The following ICA1L variants were observed in gnomAD, a reference collection of about 807,000 sequenced individuals.
The protein encoded by ICA1L is islet cell autoantigen 1 like.
In ICA1L, 50 loss-of-function variants were observed where a neutral mutation model predicts 61.3. The observed-to-expected ratio is 0.82, with a 90% CI of 0.65 to 1.03. The LOEUF (loss-of-function observed/expected upper bound fraction) is 1.03. Among genes scored for constraint, ICA1L ranks in the 50% least tolerant of loss-of-function variants. The pLI, the probability that ICA1L is intolerant of heterozygous loss-of-function variation, is 0.00. For missense variants in ICA1L, 508 were observed against 556.7 expected (o/e 0.91, Z 0.88); for synonymous variants, 161 against 191.3 (o/e 0.84, Z 1.31).
chr2:202,850,019 G>A (rs1389819161), intron 1 of ICA1L, among the ~76,000 whole-genome samples: 1 of 152,138 alleles, frequency 6.6e-6, no homozygotes, highest in African/African-American at 2.4e-5. Context: ...TTATAGAGTA[G>A]ACCTCCAGCA....
chr2:202,861,200 C>T (rs1694900318), intron 1 of ICA1L, among the ~76,000 whole-genome samples: 1 of 152,004 alleles, frequency 6.6e-6, no homozygotes, highest in Admixed American at 6.6e-5. Flanking sequence ...GCACTCCAGA[C>T]TGGGGGACAG....
chr2:202,854,858 T>C (rs777087718), intron 1 of ICA1L, among the ~76,000 whole-genome samples: 8 of 151,962 alleles, frequency 5.3e-5, no homozygotes, highest in Non-Finnish European at 1.0e-4. Context: ...AAACCCCGTC[T>C]CTACTAAAAA....
At chr2:202,820,004 C>T in intron 4 of ICA1L, 105 bp from the exon 5 acceptor site, 2 of 836,902 alleles carry the variant, frequency 2.4e-6, no homozygotes, top group Non-Finnish European at 3.7e-6. Context: ...GATGAATCTA[C>T]AAGTAAAAAA....
chr2:202,794,282 G>T (rs1692848497), intron 10 of ICA1L, among the ~76,000 whole-genome samples: 1 of 145,968 alleles, frequency 6.9e-6, no homozygotes, highest in African/African-American at 2.5e-5. Flanking sequence ...GGAGGCAGAG[G>T]TTGCAGTGAG....
chr2:202,800,887 C>T (rs896814454), intron 9 of ICA1L, among the ~76,000 whole-genome samples: 1 of 151,952 alleles, frequency 6.6e-6, no homozygotes, highest in Non-Finnish European at 1.5e-5. Flanking sequence ...GCTGATTTAA[C>T]CTTAAGATAA....
At position 202,782,067 on chromosome 2, in the gene ICA1L, C is replaced by T. The variant is rs1023125652; in HGVS notation, c.1334-2419G>A. On this transcript the variant is annotated intron_variant, in intron 12 of 12. Coordinates refer to ENST00000358299, the MANE Select transcript of ICA1L (RefSeq NM_001288622.3). ...TTGTTAAAATTTTCAATTTTATGGCCGGACATGGTGGTTCATGCCTGTAAT... is the reference window on the plus strand; with the variant it reads ...TTGTTAAAATTTTCAATTTTATGGCTGGACATGGTGGTTCATGCCTGTAAT... Among the ~76,000 whole-genome samples the T allele has an allele frequency of 5.3e-5, 8 of 152,072 alleles. No homozygotes were observed. The South Asian group carries it at 8.3e-4, about 16-fold the overall frequency.
chr2:202,779,487 G>C lies in ICA1L; in HGVS notation c.*46C>G. 8.7e-7 allele frequency: 1 copy of C among 1,145,626 alleles called. No individual in the cohort carries two copies. 71.0% of individuals were successfully genotyped at this position (1,145,626 alleles called of 1,614,324 possible). On this transcript the variant is annotated 3_prime_UTR_variant, in exon 13 of 13. Transcript: ENST00000358299. The stretch of plus-strand genomic sequence containing the variant: ...ATCCTTTCCACGAAGGAAATACGTT[G>C]CAAAATTGATGTCTCAAGGCCACTG...
At chr2:202,862,691 G>T (rs898685539) in intron 1 of ICA1L, among the ~76,000 whole-genome samples, 2 of 151,672 alleles carry the variant, frequency 1.3e-5, no homozygotes, top group African/African-American at 4.8e-5. Flanking sequence ...ACAAAAATTA[G>T]CTGGGCATGG....
At chr2:202,811,882 T>C (rs966602917) in intron 8 of ICA1L, 93 bp from the exon 9 acceptor site, 6 of 876,396 alleles carry the variant, frequency 6.8e-6, no homozygotes, top group Non-Finnish European at 9.3e-6. Flanking sequence ...AAAAAAATTT[T>C]CTACTCAGGA....
Position 202,774,172 on chromosome 2 carries a change from C to T in ICA1L, c.*5361G>A, listed in dbSNP as rs1692140673. The T allele has an allele frequency of 6.5e-7, 1 of 1,550,014 alleles. No individual in the cohort carries two copies. The highest frequency in any genetic ancestry group is 1.4e-5 in the African/African-American group (1 of 73,144). The stretch of plus-strand genomic sequence containing the variant: ...TTGATGCTTCATATCTGAGCGGCTT[C>T]TTGGAGAGCGGGCACACCAGGAACT... On this transcript the variant is annotated 3_prime_UTR_variant, in exon 13 of 13. Coordinates refer to ENST00000358299, the MANE Select transcript of ICA1L (RefSeq NM_001288622.3).
chr2:202,773,751 C>T lies in ICA1L; in HGVS notation c.*5782G>A, dbSNP rs1692126921. The T allele has an allele frequency of 7.5e-7, 1 of 1,332,324 alleles. No individual in the cohort carries two copies. The allele number at this position is 1,332,324 out of a possible 1,614,324, so 82.5% of individuals were successfully genotyped here. A position where few individuals can be genotyped will look rare whatever the true frequency, so the allele number is the denominator to read the frequency against. ...ATGCATGAAGAGTTTAATAACCATC[C>T]AGGTCCAAAGGTGGAAGAATACATA... On this transcript the variant is annotated 3_prime_UTR_variant, in exon 13 of 13. Coordinates refer to ENST00000358299, the MANE Select transcript of ICA1L (RefSeq NM_001288622.3).
intron 4 of ICA1L, among the ~76,000 whole-genome samples, chr2:202,820,299 C>G (rs1024643332): frequency 6.6e-6 from 1 of 151,294 alleles, no homozygotes; most frequent in Non-Finnish European, 1.5e-5. Flanking sequence ...CGCTTGAACC[C>G]GGGAGGTGGA....
At chr2:202,814,571 G>A in intron 8 of ICA1L, 131 bp downstream of exon 8, 2 of 655,602 alleles carry the variant, frequency 3.1e-6, no homozygotes, top group East Asian at 2.7e-5. Flanking sequence ...TGATACAAAT[G>A]TTTAGTGTTG....
intron 1 of ICA1L, 100 bp downstream of exon 1, chr2:202,871,519 C>T (rs1392273417): frequency 2.0e-5 from 3 of 152,220 alleles, no homozygotes; most frequent in Admixed American, 1.3e-4. Context: ...CCGCCGCGCC[C>T]CCGCCTCCCG....
chr2:202,844,960 A>C (rs1694427786), intron 1 of ICA1L, among the ~76,000 whole-genome samples: 1 of 152,086 alleles, frequency 6.6e-6, no homozygotes, highest in South Asian at 2.1e-4. Context: ...AGCCACTTAC[A>C]TTTCCTGGCA....
intron 1 of ICA1L, among the ~76,000 whole-genome samples, chr2:202,836,869 T>G (rs1023360098): frequency 3.5e-5 from 3 of 86,900 alleles, no homozygotes; most frequent in African/African-American, 1.1e-4. Flanking sequence ...TTAGATGGAG[T>G]CTCATTTGGA....
At position 202,776,042 on chromosome 2, in the gene ICA1L, C is replaced by T. The variant is rs1275025532; in HGVS notation, c.*3491G>A. 3.9e-5 allele frequency: 6 copies of T among 152,224 alleles called. No individual in the cohort carries two copies. The highest frequency in any genetic ancestry group is 8.8e-5 in the Non-Finnish European group (6 of 68,044). 9.4% of individuals were successfully genotyped at this position (152,224 alleles called of 1,614,324 possible). ...AGATAGAGCACATGTAAACTTCCTTCGTTCTAATGCTGTAAGACCTCTACA... is the reference window on the plus strand; with the variant it reads ...AGATAGAGCACATGTAAACTTCCTTTGTTCTAATGCTGTAAGACCTCTACA... On this transcript the variant is annotated 3_prime_UTR_variant, in exon 13 of 13. Coordinates refer to ENST00000358299, the MANE Select transcript of ICA1L (RefSeq NM_001288622.3).
In ICA1L at chr2:202,773,731, T is replaced by C; in HGVS notation, c.*5802A>G. The C allele has an allele frequency of 8.2e-7, 1 of 1,223,654 alleles. No individual in the cohort carries two copies. The allele number at this position is 1,223,654 out of a possible 1,614,324, so 75.8% of individuals were successfully genotyped here. A position where few individuals can be genotyped will look rare whatever the true frequency, so the allele number is the denominator to read the frequency against. On this transcript the variant is annotated 3_prime_UTR_variant, in exon 13 of 13. Coordinates refer to ENST00000358299, the MANE Select transcript of ICA1L (RefSeq NM_001288622.3). ...TGACTCTAGTTGCATCAGTTATGCATGAAGAGTTTAATAACCATCCAGGTC... is the reference window on the plus strand; with the variant it reads ...TGACTCTAGTTGCATCAGTTATGCACGAAGAGTTTAATAACCATCCAGGTC...
intron 12 of ICA1L, among the ~76,000 whole-genome samples, chr2:202,781,250 A>C (rs766337485): frequency 6.6e-6 from 1 of 152,112 alleles, no homozygotes; most frequent in African/African-American, 2.4e-5. Flanking sequence ...TCATAAAGTA[A>C]ATACATTCAT....
Sources: gnomAD v4.1 joint callset for allele counts (sites outside exome capture counted in the v4.1 genomes callset) on GRCh38, gnomAD v4.1.1 for gene constraint, MANE v1.5 for transcripts, NCBI Gene and HGNC (gene_info 2026-07-23, HGNC 2026-07-21) for gene names.